The following ARMC2 variants were observed in gnomAD, a reference collection of about 807,000 sequenced individuals.
ARMC2 encodes armadillo repeat containing 2, also known as armadillo repeat-containing protein 2.
ARMC2 carries 67 observed loss-of-function variants against 90.3 expected under a neutral mutation model. That is an observed-to-expected ratio of 0.74 (90% CI 0.61 to 0.91). ARMC2 has a LOEUF of 0.91. Ranked by LOEUF, ARMC2 falls within the 40% of genes least tolerant of loss-of-function variation. The pLI is 0.00. For missense variants in ARMC2, 920 were observed against 1,030.9 expected (o/e 0.89, Z 1.47); for synonymous variants, 393 against 393.0 (o/e 1.00, Z 0.00).
intron 3 of ARMC2, among the ~76,000 whole-genome samples, chr6:108,859,653 A>G (rs751165047): frequency 2.0e-5 from 3 of 152,170 alleles, no homozygotes; most frequent in Non-Finnish European, 2.9e-5. Flanking sequence ...TAATATCATC[A>G]TAGTGTCTTA....
intron 12 of ARMC2, among the ~76,000 whole-genome samples, chr6:108,938,279 G>A (rs1776126538): frequency 6.6e-6 from 1 of 151,330 alleles, no homozygotes. Flanking sequence ...CATAATCTCT[G>A]TTTGTTACTG....
At chr6:108,896,448 A>G (rs1463878209) in intron 6 of ARMC2, among the ~76,000 whole-genome samples, 4 of 152,242 alleles carry the variant, frequency 2.6e-5, no homozygotes, top group South Asian at 4.1e-4. Context: ...ATATGATTCC[A>G]TGCTTCATTT....
chr6:109,010,100 A>G, the ARMC2 span, among the ~76,000 whole-genome samples: 3 of 152,192 alleles, frequency 2.0e-5, no homozygotes, highest in South Asian at 2.1e-4. Context: ...TCACTCCCCT[A>G]CACAGATAAT....
chr6:108,852,975 G>A (rs910185317), intron 1 of ARMC2, among the ~76,000 whole-genome samples: 4 of 152,022 alleles, frequency 2.6e-5, no homozygotes, highest in African/African-American at 9.7e-5. Context: ...ATATTCTAAA[G>A]TAAAAGCCAA....
chr6:108,939,831 C>G (rs1245773062), intron 12 of ARMC2, among the ~76,000 whole-genome samples: 3 of 152,232 alleles, frequency 2.0e-5, no homozygotes, highest in African/African-American at 7.2e-5. Flanking sequence ...ATCATTGTGG[C>G]AAAAATCATA....
chr6:109,010,128 C>G, the ARMC2 span, among the ~76,000 whole-genome samples: 1 of 152,198 alleles, frequency 6.6e-6, no homozygotes, highest in Admixed American at 6.5e-5. Flanking sequence ...GGTAGCCTAT[C>G]TCTGAATCGT....
intron 8 of ARMC2, among the ~76,000 whole-genome samples, chr6:108,909,390 TTAGA>T (rs1773161329): frequency 6.6e-6 from 1 of 152,128 alleles, no homozygotes; most frequent in South Asian, 2.1e-4. Flanking sequence ...TTTTACTACT[TTAGA>T]TAAATACACA....
At chr6:108,956,123 A>T (rs1562427267) in intron 13 of ARMC2, among the ~76,000 whole-genome samples, 2 of 152,170 alleles carry the variant, frequency 1.3e-5, no homozygotes, top group East Asian at 1.9e-4. Flanking sequence ...GCGAATTCTC[A>T]TCTGTTGCAG....
chr6:108,912,255 A>G, intron 9 of ARMC2, 80 bp from the exon 10 acceptor site: 1 of 994,734 alleles, frequency 1.0e-6, no homozygotes, highest in Non-Finnish European at 1.5e-6. Flanking sequence ...AGTGTATTTT[A>G]TGTTCACACA....
intron 5 of ARMC2, among the ~76,000 whole-genome samples, chr6:108,891,199 C>T (rs572772718): frequency 2.0e-5 from 3 of 152,280 alleles, no homozygotes; most frequent in Admixed American, 2.0e-4. Context: ...GTGAACAGTG[C>T]TGCAATATGC....
intron 10 of ARMC2, among the ~76,000 whole-genome samples, chr6:108,927,477 A>G (rs1247643713): frequency 6.6e-6 from 1 of 152,190 alleles, no homozygotes; most frequent in Non-Finnish European, 1.5e-5. Flanking sequence ...AGATAACAAC[A>G]TTAGTTTTAT....
At position 108,868,817 on chromosome 6, in the gene ARMC2, T is replaced by C. The variant is rs1562332439; in HGVS notation, c.292-7T>C. 1.2e-6 allele frequency: 2 copies of C among 1,611,034 alleles called. No homozygotes were observed. Among genetic ancestry groups the C allele is most frequent in the Non-Finnish European group, 1.7e-6 (2 of 1,178,970 alleles). ...CATTCCAGTTATTTAAAAAAATCTCTTTCCAGAAACCGAAAGTTCCAGCAT... is the reference window on the plus strand; with the variant it reads ...CATTCCAGTTATTTAAAAAAATCTCCTTCCAGAAACCGAAAGTTCCAGCAT... On this transcript the variant is annotated splice_polypyrimidine_tract_variant and splice_region_variant and intron_variant, in intron 3 of 17. Transcript: ENST00000392644.
the ARMC2 span, chr6:109,009,535 G>A: frequency 2.6e-6 from 3 of 1,155,016 alleles, no homozygotes; most frequent in South Asian, 8.6e-5. Flanking sequence ...TGGCTGCAGC[G>A]CCTCAGTCAG....
the ARMC2 span, among the ~76,000 whole-genome samples, chr6:109,031,790 T>C: frequency 2.0e-5 from 3 of 152,142 alleles, no homozygotes; most frequent in Non-Finnish European, 2.9e-5. Flanking sequence ...AGGAAACAGA[T>C]TTAGGGATTA....
chr6:108,957,911 C>G (rs1777712027), intron 13 of ARMC2, among the ~76,000 whole-genome samples: 1 of 152,126 alleles, frequency 6.6e-6, no homozygotes, highest in Non-Finnish European at 1.5e-5. Flanking sequence ...AATGGGAACT[C>G]AGCAACCCTG....
chr6:108,930,859 T>G (rs1562401663), intron 11 of ARMC2, among the ~76,000 whole-genome samples: 2 of 151,634 alleles, frequency 1.3e-5, no homozygotes, highest in Admixed American at 6.6e-5. Flanking sequence ...CCTCCCAAAG[T>G]GCTGGGATTA....
intron 12 of ARMC2, among the ~76,000 whole-genome samples, chr6:108,952,320 C>T (rs1777250643): frequency 6.6e-6 from 1 of 152,136 alleles, no homozygotes; most frequent in African/African-American, 2.4e-5. Context: ...TGAAATATAG[C>T]CTATATACAG....
intron 5 of ARMC2, among the ~76,000 whole-genome samples, chr6:108,890,404 A>C (rs1188491142): frequency 2.7e-5 from 4 of 150,794 alleles, no homozygotes; most frequent in Non-Finnish European, 1.5e-5. Context: ...TCAGTGTACT[A>C]AGCAGAGTCA....
chr6:108,900,252 C>T (rs574698671), intron 7 of ARMC2, among the ~76,000 whole-genome samples: 16 of 152,208 alleles, frequency 1.1e-4, no homozygotes, highest in Non-Finnish European at 1.9e-4. Context: ...GGAGCACATC[C>T]GTCAGGAATG....
Sources: allele counts gnomAD v4.1 joint callset (sites outside exome capture counted in the v4.1 genomes callset), GRCh38; gene constraint gnomAD v4.1.1; transcripts MANE v1.5; gene names NCBI Gene and HGNC (gene_info 2026-07-23, HGNC 2026-07-21).